The following GPC5 variants were observed in gnomAD, a reference collection of about 807,000 sequenced individuals.
GPC5 encodes glypican-5.
A neutral mutation model predicts 53.9 loss-of-function variants in GPC5; 47 were observed. That is an observed-to-expected ratio of 0.87 (90% CI 0.69 to 1.11). GPC5 has a LOEUF of 1.11. Ranked by LOEUF, GPC5 falls within the 50% of genes most tolerant of loss-of-function variation. GPC5 has a pLI of 0.00. For synonymous variants in GPC5, 286 were observed against 263.3 expected, an observed-to-expected ratio of 1.09 and a Z score of -0.84; for missense variants, 748 against 713.1, an observed-to-expected ratio of 1.05 and a Z score of -0.56.
At chr13:91,975,215 G>T (rs2040287065) in intron 6 of GPC5, among the ~76,000 whole-genome samples, 1 of 152,012 alleles carries the variant, frequency 6.6e-6, no homozygotes, top group Admixed American at 6.6e-5. Context: ...CATGGGCAAG[G>T]ACTTCATGTC....
At chr13:91,418,103 CGCCT>C (rs1384343431) in intron 1 of GPC5, among the ~76,000 whole-genome samples, 3 of 152,052 alleles carry the variant, frequency 2.0e-5, no homozygotes, top group African/African-American at 7.2e-5. Flanking sequence ...CTGTCTGTAC[CGCCT>C]GCCCATCAGT....
chr13:92,827,648 A>G (rs1877898392), intron 7 of GPC5, among the ~76,000 whole-genome samples: 1 of 152,110 alleles, frequency 6.6e-6, no homozygotes, highest in Non-Finnish European at 1.5e-5. Context: ...TACTGCTGAG[A>G]CAGCAGGCAC....
At chr13:92,526,027 G>A (rs1001231222) in intron 7 of GPC5, among the ~76,000 whole-genome samples, 4 of 152,016 alleles carry the variant, frequency 2.6e-5, no homozygotes, top group African/African-American at 7.2e-5. Flanking sequence ...ACATAAACAT[G>A]TTCAAGTATC....
chr13:91,556,243 T>C (rs2030941176), intron 2 of GPC5, among the ~76,000 whole-genome samples: 1 of 152,062 alleles, frequency 6.6e-6, no homozygotes. Context: ...TAAGTGATCA[T>C]ATATATTTAG....
rs1045294394 is a variant in GPC5 at position 91,518,100 on chromosome 13, G to A, written c.325+69178G>A. On this transcript the variant is annotated intron_variant, in intron 2 of 7. Transcript: ENST00000377067. ...TTATAGGGTCCTTTACATTACACAA[G>A]GAACACAGAATTTTAAAAATAGCTT... 8.5e-5 allele frequency among the ~76,000 whole-genome samples: 13 copies of A among 152,228 alleles called. No individual in the cohort carries two copies. In the East Asian group the frequency reaches 2.1e-3, roughly 25 times the overall value.
At chr13:91,805,661 C>T (rs575320196) in intron 5 of GPC5, among the ~76,000 whole-genome samples, 4 of 152,168 alleles carry the variant, frequency 2.6e-5, no homozygotes, top group Non-Finnish European at 5.9e-5. Flanking sequence ...ATGCCAGATG[C>T]TCTTTAGAAA....
At chr13:91,539,032 T>C (rs1221087193) in intron 2 of GPC5, among the ~76,000 whole-genome samples, 1 of 152,246 alleles carries the variant, frequency 6.6e-6, no homozygotes, top group African/African-American at 2.4e-5. Context: ...TGTCACTGTG[T>C]ATAATGCTAG....
intron 7 of GPC5, among the ~76,000 whole-genome samples, chr13:92,669,800 C>T (rs550072155): frequency 2.0e-5 from 3 of 152,102 alleles, no homozygotes; most frequent in Non-Finnish European, 4.4e-5. Flanking sequence ...GAATTGCACA[C>T]AAGGCACCTA....
chr13:92,300,197 A>G (rs1398999648), intron 7 of GPC5, among the ~76,000 whole-genome samples: 1 of 152,152 alleles, frequency 6.6e-6, no homozygotes, highest in Admixed American at 6.5e-5. Context: ...CGTGAGGGTA[A>G]ACACATACAC....
chr13:92,333,655 A>G (rs979541640), intron 7 of GPC5, among the ~76,000 whole-genome samples: 2 of 152,138 alleles, frequency 1.3e-5, no homozygotes, highest in African/African-American at 2.4e-5. Flanking sequence ...TTACTACTGC[A>G]TTATTGAAGA....
chr13:91,772,076 C>T (rs1191077098), intron 5 of GPC5, among the ~76,000 whole-genome samples: 1 of 152,116 alleles, frequency 6.6e-6, no homozygotes, highest in Non-Finnish European at 1.5e-5. Context: ...TGAGTGGAAC[C>T]GAGCCCAATC....
intron 2 of GPC5, among the ~76,000 whole-genome samples, chr13:91,466,071 C>G (rs2044089067): frequency 6.6e-6 from 1 of 152,124 alleles, no homozygotes; most frequent in Admixed American, 6.6e-5. Context: ...CTGCCTGAAC[C>G]CTGAAGGCCA....
intron 7 of GPC5, among the ~76,000 whole-genome samples, chr13:92,670,069 C>A (rs1301944213): frequency 2.0e-5 from 3 of 152,152 alleles, no homozygotes; most frequent in African/African-American, 7.2e-5. Flanking sequence ...GGATTTCCAG[C>A]GCCTAGCACA....
intron 2 of GPC5, among the ~76,000 whole-genome samples, chr13:91,572,110 C>CGTGTGTATATACACAT (rs1555326045): frequency 1.9e-5 from 2 of 105,972 alleles, no homozygotes; most frequent in African/African-American, 8.9e-5. Flanking sequence ...TATATACACA[C>CGTGTGTATATACACAT]ATGTATATAT....
At chr13:91,597,924 A>AT (rs11443769) in intron 2 of GPC5, among the ~76,000 whole-genome samples, 135,861 of 150,922 alleles carry the variant, frequency 0.9, 61,197 homozygotes, top group East Asian at 0.99. Flanking sequence ...TTGAGTTTGT[A>AT]TTTCTTTTTA....
intron 7 of GPC5, among the ~76,000 whole-genome samples, chr13:92,464,909 A>T (rs1017789572): frequency 4.0e-5 from 6 of 151,848 alleles, no homozygotes; most frequent in African/African-American, 2.4e-5. Context: ...TAAACTATAT[A>T]TTTAAACAAT....
At chr13:92,728,215 A>G (rs1297224452) in intron 7 of GPC5, among the ~76,000 whole-genome samples, 1 of 151,548 alleles carries the variant, frequency 6.6e-6, no homozygotes, top group Non-Finnish European at 1.5e-5. Flanking sequence ...AGTCAAAGAC[A>G]GTTTCTCTTC....
chr13:92,051,011 G>A (rs898999907), intron 6 of GPC5, among the ~76,000 whole-genome samples: 1 of 151,998 alleles, frequency 6.6e-6, no homozygotes, highest in Non-Finnish European at 1.5e-5. Flanking sequence ...AAGCCATTTT[G>A]GAAGATATTA....
intron 2 of GPC5, among the ~76,000 whole-genome samples, chr13:91,463,747 T>C (rs1324736211): frequency 6.6e-6 from 1 of 152,122 alleles, no homozygotes; most frequent in Non-Finnish European, 1.5e-5. Flanking sequence ...AAACCTAAAC[T>C]TTGTACATTA....
Sources: allele counts gnomAD v4.1 joint callset (sites outside exome capture counted in the v4.1 genomes callset), GRCh38; gene constraint gnomAD v4.1.1; transcripts MANE v1.5; gene names NCBI Gene and HGNC (gene_info 2026-07-23, HGNC 2026-07-21).